CRIM1: variants seen among roughly 807,000 people sequenced by gnomAD.
The protein encoded by CRIM1 is cysteine-rich motor neuron 1 protein.
Under a neutral mutation model 116.4 loss-of-function variants are expected in CRIM1, and 32 were observed. That is an observed-to-expected ratio of 0.27 (90% CI 0.21 to 0.37). The LOEUF (loss-of-function observed/expected upper bound fraction) is 0.37. CRIM1 is among the 10% of genes least tolerant of loss of function. CRIM1 has a pLI of 1.00. For missense variants in CRIM1, 1,331 were observed against 1,354.8 expected, an observed-to-expected ratio of 0.98 and a Z score of 0.28; for synonymous variants, 590 against 509.2, an observed-to-expected ratio of 1.16 and a Z score of -2.13.
intron 1 of CRIM1, 134 bp from the exon 2 acceptor site, chr2:36,396,480 A>G: frequency 1.8e-6 from 1 of 552,908 alleles, no homozygotes; most frequent in Non-Finnish European, 3.1e-6. Context: ...GTAAAGTTTC[A>G]GCCAGACTGC....
Position 36,549,379 on chromosome 2 carries a change from C to T in CRIM1, c.*678C>T, listed in dbSNP as rs914234224. The T allele has an allele frequency of 6.6e-6, 1 of 152,452 alleles. No homozygotes were observed. Among genetic ancestry groups the T allele is most frequent in the Non-Finnish European group, 1.5e-5 (1 of 68,024 alleles). 9.4% of individuals were successfully genotyped at this position (152,452 alleles called of 1,614,324 possible). ...ATATATACAGTTACACTTTTTGCTG[C>T]TTTTATTTTCTTCCAAGCCAATCAA... On this transcript the variant is annotated 3_prime_UTR_variant, in exon 17 of 17. Transcript: ENST00000280527.
In CRIM1 at chr2:36,374,849, G is replaced by C. The variant is rs1270766396; in HGVS notation, c.331+18226G>C. 3.6e-5 allele frequency among the ~76,000 whole-genome samples: 4 copies of C among 111,916 alleles called. No homozygotes were observed. In the Admixed American group the frequency reaches 4.0e-4, roughly 11 times the overall value. 73.4% of individuals were successfully genotyped at this position (111,916 alleles called of 152,430 possible). On this transcript the variant is annotated intron_variant, in intron 1 of 16. Transcript: ENST00000280527. ...TCCCTAGGCTCATGGCATGAGGGCT[G>C]TGGCTCTTGATGTTTTTTTTTTTGA...
chr2:36,458,086 A>G (rs1488458428), intron 4 of CRIM1, among the ~76,000 whole-genome samples: 2 of 152,192 alleles, frequency 1.3e-5, no homozygotes, highest in Non-Finnish European at 1.5e-5. Context: ...GGTGTGTAGT[A>G]GATCCAGTAT....
rs1487158509 is a variant in CRIM1 at position 36,479,532 on chromosome 2, T to C, written c.1210T>C (p.Tyr404His). The change falls in exon 7 of 17, where the codon TAT (tyrosine) becomes CAT (histidine). Residue 404 changes from tyrosine to histidine, a missense_variant. By Grantham distance (83) the Tyr-to-His change is moderately conservative. Coordinates refer to ENST00000280527, the MANE Select transcript of CRIM1 (RefSeq NM_016441.3). ...VYPFNNPAGC[Y>H]ANGLILAHGD... ...TCCTTTTAATAATCCCGCTGGCTGCTATGCCAATGGCCTGATCCTTGCCCA... is the reference window on the plus strand; with the variant it reads ...TCCTTTTAATAATCCCGCTGGCTGCCATGCCAATGGCCTGATCCTTGCCCA... The C allele has an allele frequency of 6.2e-7, 1 of 1,614,250 alleles. No individual in the cohort carries two copies.
intron 6 of CRIM1, 91 bp downstream of exon 6, chr2:36,477,162 G>C (rs1346593908): frequency 4.7e-6 from 5 of 1,067,530 alleles, no homozygotes. Flanking sequence ...TCATCCAAAA[G>C]TAAAGGAATA....
At chr2:36,520,892 C>T (rs796426918) in intron 12 of CRIM1, among the ~76,000 whole-genome samples, 2 of 152,300 alleles carry the variant, frequency 1.3e-5, no homozygotes, top group African/African-American at 4.8e-5. Flanking sequence ...AATAACAGAG[C>T]TCATGAAGTT....
At chr2:36,451,159 C>T (rs904211525) in intron 4 of CRIM1, among the ~76,000 whole-genome samples, 8 of 152,178 alleles carry the variant, frequency 5.3e-5, no homozygotes, top group African/African-American at 1.9e-4. Flanking sequence ...AGGCAGAACA[C>T]TGGGCTTGGT....
Position 36,517,349 on chromosome 2 carries a change from A to C in CRIM1, c.2013A>C (p.Pro671=). ...CAGATGACTTTGTGGTGCAGAAGCC[A>C]GAGCTCAGTACTCCCTCCATTTGCC... The part of the protein sequence containing the change: ...SCADDFVVQK[P]ELSTPSICHA... Residue 671 remains proline (P), a synonymous_variant, in exon 12 of 17, where the codon CCA becomes CCC. Coordinates refer to ENST00000280527, the MANE Select transcript of CRIM1 (RefSeq NM_016441.3). 6.2e-7 allele frequency: 1 copy of C among 1,614,160 alleles called. No homozygotes were observed. The highest frequency in any genetic ancestry group is 8.5e-7 in the Non-Finnish European group (1 of 1,179,960).
chr2:36,491,080 A>G (rs955949523), intron 7 of CRIM1, among the ~76,000 whole-genome samples: 1 of 152,184 alleles, frequency 6.6e-6, no homozygotes, highest in Non-Finnish European at 1.5e-5. Flanking sequence ...TGTTTTCAGG[A>G]TTATTTTAAT....
intron 2 of CRIM1, among the ~76,000 whole-genome samples, chr2:36,404,559 A>G (rs1484332613): frequency 2.6e-5 from 4 of 152,244 alleles, no homozygotes; most frequent in Non-Finnish European, 4.4e-5. Context: ...TTCAAAAAGA[A>G]TGTATTGAGC....
At chr2:36,385,673 T>C (rs1178814048) in intron 1 of CRIM1, among the ~76,000 whole-genome samples, 1 of 152,174 alleles carries the variant, frequency 6.6e-6, no homozygotes, top group African/African-American at 2.4e-5. Flanking sequence ...CCTGTCCTTC[T>C]TTTCCCTGAT....
At chr2:36,390,394 C>G (rs917202957) in intron 1 of CRIM1, among the ~76,000 whole-genome samples, 1 of 152,222 alleles carries the variant, frequency 6.6e-6, no homozygotes, top group African/African-American at 2.4e-5. Flanking sequence ...TGAGCTGTCC[C>G]TGGCATTTAT....
chr2:36,428,842 A>C (rs148974116), intron 2 of CRIM1, among the ~76,000 whole-genome samples: 6 of 152,194 alleles, frequency 3.9e-5, no homozygotes, highest in Non-Finnish European at 7.4e-5. Flanking sequence ...AATTGTCCCC[A>C]TATACATGTG....
At position 36,396,715 on chromosome 2, in the gene CRIM1, A is replaced by C. The variant is rs766203100; in HGVS notation, c.433A>C (p.Ile145Leu). 3 of 1,613,924 alleles carry C rather than the reference A, an allele frequency of 1.9e-6. No individual in the cohort carries two copies. The highest frequency in any genetic ancestry group is 2.5e-6 in the Non-Finnish European group (3 of 1,179,786). Residue 145 changes from isoleucine to leucine, a missense_variant, in exon 2 of 17, where the codon ATT becomes CTT. Ile to Leu is a conservative substitution (Grantham distance 5). Coordinates refer to ENST00000280527, the MANE Select transcript of CRIM1 (RefSeq NM_016441.3). Reference protein sequence around the residue: ...IINGKCECNTIRTCSNPFEFP... With the variant: ...IINGKCECNTLRTCSNPFEFP... Reference sequence around the variant, plus strand: ...CAATGGGAAATGTGAATGTAACACCATTCGAACCTGCAGCAATCCCTTTGA... The same window carrying C: ...CAATGGGAAATGTGAATGTAACACCCTTCGAACCTGCAGCAATCCCTTTGA...
intron 4 of CRIM1, among the ~76,000 whole-genome samples, chr2:36,450,342 T>A (rs1399614582): frequency 6.6e-6 from 1 of 152,212 alleles, no homozygotes; most frequent in Non-Finnish European, 1.5e-5. Context: ...CACATCACTT[T>A]CCCTGAGGTC....
At chr2:36,487,508 G>A (rs1338864665) in intron 7 of CRIM1, among the ~76,000 whole-genome samples, 4 of 150,064 alleles carry the variant, frequency 2.7e-5, no homozygotes, top group Non-Finnish European at 5.9e-5. Context: ...GACTTTGAAG[G>A]TTTATTAGAC....
At chr2:36,385,464 C>G (rs138985464) in intron 1 of CRIM1, among the ~76,000 whole-genome samples, 1 of 152,114 alleles carries the variant, frequency 6.6e-6, no homozygotes, top group Non-Finnish European at 1.5e-5. Flanking sequence ...TCGTTTTCCT[C>G]GATGATAGAT....
chr2:36,379,537 G>T (rs1466318624), intron 1 of CRIM1, among the ~76,000 whole-genome samples: 1 of 152,164 alleles, frequency 6.6e-6, no homozygotes, highest in African/African-American at 2.4e-5. Context: ...GCAGCGTGCA[G>T]AGGTAATGTG....
At chr2:36,438,789 A>C (rs11673762) in intron 2 of CRIM1, among the ~76,000 whole-genome samples, 25,893 of 152,204 alleles carry the variant, frequency 0.17, 2,423 homozygotes, top group East Asian at 0.47. Flanking sequence ...TTCCTGAGAC[A>C]GGAGTCATAT....
Sources: allele counts gnomAD v4.1 joint callset (sites outside exome capture counted in the v4.1 genomes callset), GRCh38; gene constraint gnomAD v4.1.1; transcripts MANE v1.5; gene names NCBI Gene and HGNC (gene_info 2026-07-23, HGNC 2026-07-21).